Variants in CAP2 observed in about 807,000 individuals in gnomAD.
The protein encoded by CAP2 is cyclase associated actin cytoskeleton regulatory protein 2, also known as adenylyl cyclase-associated protein 2.
A neutral mutation model predicts 57.7 loss-of-function variants in CAP2; 24 were observed. The observed-to-expected ratio is 0.42, with a 90% CI of 0.30 to 0.58. The LOEUF is 0.58. Among genes scored for constraint, CAP2 ranks in the 20% least tolerant of loss-of-function variants. The pLI, the probability that CAP2 is intolerant of heterozygous loss-of-function variation, is 0.22. For synonymous variants in CAP2, 194 were observed against 207.2 expected (o/e 0.94, Z 0.55); for missense variants, 501 against 590.3 (o/e 0.85, Z 1.57).
chr6:17,442,065 T>C (rs779440016), intron 3 of CAP2, among the ~76,000 whole-genome samples: 2 of 152,178 alleles, frequency 1.3e-5, no homozygotes, highest in African/African-American at 2.4e-5. Flanking sequence ...ACAATGACAT[T>C]AGCCTTTCCT....
intron 4 of CAP2, among the ~76,000 whole-genome samples, chr6:17,497,508 TA>T (rs1315995762): frequency 6.6e-6 from 1 of 152,248 alleles, no homozygotes; most frequent in Non-Finnish European, 1.5e-5. Context: ...GTTTTCAACT[TA>T]ATTTTCTCTC....
intron 6 of CAP2, among the ~76,000 whole-genome samples, chr6:17,510,146 G>A (rs1232659425): frequency 1.3e-5 from 2 of 151,870 alleles, no homozygotes; most frequent in Non-Finnish European, 2.9e-5. Flanking sequence ...TAAGTTTTTA[G>A]TAATGATTCC....
intron 3 of CAP2, among the ~76,000 whole-genome samples, chr6:17,448,068 G>T (rs561948593): frequency 1.3e-5 from 2 of 152,354 alleles, no homozygotes; most frequent in South Asian, 4.1e-4. Flanking sequence ...TATCTTCTAT[G>T]TGGCGCCACA....
chr6:17,451,705 TC>T (rs1453745249), intron 3 of CAP2, among the ~76,000 whole-genome samples: 2 of 152,076 alleles, frequency 1.3e-5, no homozygotes, highest in Non-Finnish European at 2.9e-5. Context: ...AGACGGGGTT[TC>T]TCCATATTGA....
intron 4 of CAP2, among the ~76,000 whole-genome samples, chr6:17,477,839 T>TTG (rs1367295502): frequency 6.6e-6 from 1 of 152,060 alleles, no homozygotes. Flanking sequence ...GTCATTTAGG[T>TTG]TGTTTCATGT....
intron 1 of CAP2, among the ~76,000 whole-genome samples, chr6:17,401,485 G>A (rs1474631866): frequency 1.3e-5 from 2 of 152,188 alleles, no homozygotes; most frequent in African/African-American, 2.4e-5. Flanking sequence ...TGATATAAGT[G>A]TGATCTTTCC....
rs534210123 is a variant in CAP2 at position 17,439,833 on chromosome 6, G to C, written c.222+13143G>C. Among the ~76,000 whole-genome samples, 2 of 151,590 alleles carry C rather than the reference G, an allele frequency of 1.3e-5. 1 individual carries two copies. The highest frequency in any genetic ancestry group is 4.9e-5 in the African/African-American group (2 of 40,938). On this transcript the variant is annotated intron_variant, in intron 3 of 12. Coordinates refer to ENST00000229922, the MANE Select transcript of CAP2 (RefSeq NM_006366.3). ...TAGACGAAGCTCCAGTCACTTGCTTGCTGGCTTGCTCACTGCTCACCTCCT... is the reference window on the plus strand; with the variant it reads ...TAGACGAAGCTCCAGTCACTTGCTTCCTGGCTTGCTCACTGCTCACCTCCT...
intron 1 of CAP2, among the ~76,000 whole-genome samples, chr6:17,413,118 C>T (rs1421909031): frequency 6.6e-6 from 1 of 152,054 alleles, no homozygotes; most frequent in African/African-American, 2.4e-5. Context: ...GAAGGTCAAG[C>T]TGAAGCATTT....
chr6:17,467,611 C>A (rs564669369), intron 4 of CAP2, among the ~76,000 whole-genome samples: 1 of 152,256 alleles, frequency 6.6e-6, no homozygotes, highest in East Asian at 1.9e-4. Flanking sequence ...GCAACTTCAG[C>A]CTCCTAGCTT....
intron 7 of CAP2, among the ~76,000 whole-genome samples, chr6:17,528,523 CCA>C (rs1462878224): frequency 1.3e-5 from 2 of 152,136 alleles, no homozygotes; most frequent in African/African-American, 4.8e-5. Context: ...CATACAGGGA[CCA>C]CAGGAGGGTG....
intron 4 of CAP2, among the ~76,000 whole-genome samples, chr6:17,470,428 G>A (rs916815549): frequency 3.9e-5 from 6 of 152,190 alleles, no homozygotes; most frequent in Non-Finnish European, 8.8e-5. Flanking sequence ...GACTGCTTTA[G>A]CAAAAAGTCC....
intron 4 of CAP2, among the ~76,000 whole-genome samples, chr6:17,474,466 C>T (rs1355495074): frequency 6.6e-6 from 1 of 152,136 alleles, no homozygotes; most frequent in African/African-American, 2.4e-5. Flanking sequence ...TTACATACTG[C>T]AGCCCTCTTT....
At chr6:17,524,077 A>G (rs970382540) in intron 7 of CAP2, among the ~76,000 whole-genome samples, 10,911 of 73,844 alleles carry the variant, frequency 0.15, 482 homozygotes, top group Admixed American at 0.26. Flanking sequence ...TCTGTCTCAA[A>G]AAAAAAAAAA....
chr6:17,463,140 G>A (rs1760772787), intron 4 of CAP2, 67 bp downstream of exon 4: 8 of 1,092,740 alleles, frequency 7.3e-6, no homozygotes, highest in Non-Finnish European at 1.1e-5. Flanking sequence ...AAACAAGGAG[G>A]CAACAGAAGC....
At chr6:17,489,650 CTGCT>C (rs1444864666) in intron 4 of CAP2, among the ~76,000 whole-genome samples, 1 of 152,024 alleles carries the variant, frequency 6.6e-6, no homozygotes, top group Non-Finnish European at 1.5e-5. Context: ...ATGCACCTCT[CTGCT>C]TGCCTGTTTG....
chr6:17,415,826 A>C (rs1017125393), intron 1 of CAP2, among the ~76,000 whole-genome samples: 10 of 152,180 alleles, frequency 6.6e-5, no homozygotes, highest in Admixed American at 5.2e-4. Context: ...ATCACCATTG[A>C]CATTGCGCCA....
chr6:17,410,914 G>A (rs1453857421), intron 1 of CAP2, among the ~76,000 whole-genome samples: 1 of 152,034 alleles, frequency 6.6e-6, no homozygotes, highest in Non-Finnish European at 1.5e-5. Flanking sequence ...TTTTTCATTT[G>A]TTTGTTTTTA....
chr6:17,459,820 TAACA>T (rs960145976), intron 3 of CAP2, among the ~76,000 whole-genome samples: 2 of 152,064 alleles, frequency 1.3e-5, no homozygotes, highest in African/African-American at 4.8e-5. Context: ...AGAATGCAGA[TAACA>T]AACAAGGAGA....
intron 4 of CAP2, among the ~76,000 whole-genome samples, chr6:17,502,669 G>A (rs1231821575): frequency 6.6e-6 from 1 of 152,156 alleles, no homozygotes. Context: ...AGGGAAGTTA[G>A]AGATAAACAA....
Sources: allele counts gnomAD v4.1 joint callset (sites outside exome capture counted in the v4.1 genomes callset), GRCh38; gene constraint gnomAD v4.1.1; transcripts MANE v1.5; gene names NCBI Gene and HGNC (gene_info 2026-07-23, HGNC 2026-07-21).